PSTPIP2: variants seen among roughly 807,000 people sequenced by gnomAD.
The protein encoded by PSTPIP2 is proline-serine-threonine phosphatase interacting protein 2, also known as proline-serine-threonine phosphatase-interacting protein 2.
Under a neutral mutation model 63.3 loss-of-function variants are expected in PSTPIP2, and 33 were observed. That is an observed-to-expected ratio of 0.52 (90% CI 0.40 to 0.70). The LOEUF (loss-of-function observed/expected upper bound fraction) is 0.70. PSTPIP2 is among the 30% of genes least tolerant of loss of function. PSTPIP2 has a pLI of 0.00. For missense variants in PSTPIP2, 312 were observed against 400.7 expected, an observed-to-expected ratio of 0.78 and a Z score of 1.89; for synonymous variants, 125 against 132.7, an observed-to-expected ratio of 0.94 and a Z score of 0.40.
intron 2 of PSTPIP2, among the ~76,000 whole-genome samples, chr18:46,032,391 A>G (rs1487837705): frequency 1.3e-5 from 2 of 151,836 alleles, no homozygotes; most frequent in Non-Finnish European, 2.9e-5. Context: ...AAAAACCCCA[A>G]CTCCCTTTGA....
Position 45,993,943 on chromosome 18 carries a change from T to C in PSTPIP2, c.643-240A>G, listed in dbSNP as rs919926910. 242 of 472,130 alleles carry C rather than the reference T, an allele frequency of 5.1e-4. 5 individuals carry two copies. The highest frequency in any genetic ancestry group is 3.7e-3 in the South Asian group (177 of 47,252). The allele number at this position is 472,130 out of a possible 1,614,324, so 29.2% of individuals were successfully genotyped here. ...AAATAGTTCTGAGGGTAAAAAGTAA[T>C]GATGATCCCAGATACCAATGTTCTA... is the stretch of plus-strand genomic sequence containing the variant. On this transcript the variant is annotated intron_variant, in intron 9 of 14. Transcript: ENST00000409746.
At chr18:46,039,378 A>T (rs1377148209) in intron 2 of PSTPIP2, among the ~76,000 whole-genome samples, 3 of 151,960 alleles carry the variant, frequency 2.0e-5, no homozygotes, top group Non-Finnish European at 4.4e-5. Context: ...ACAGCTCCTC[A>T]TCCTCCTGGT....
intron 3 of PSTPIP2, among the ~76,000 whole-genome samples, chr18:46,018,574 GA>G (rs2051877673): frequency 6.6e-6 from 1 of 152,072 alleles, no homozygotes; most frequent in Non-Finnish European, 1.5e-5. Context: ...TTTCCATGTT[GA>G]CCAGGCTGGT....
At chr18:46,015,080 A>G (rs2051839421) in intron 4 of PSTPIP2, among the ~76,000 whole-genome samples, 1 of 152,160 alleles carries the variant, frequency 6.6e-6, no homozygotes, top group Admixed American at 6.5e-5. Context: ...AATGCACCAC[A>G]GTGCTGAATG....
At chr18:46,024,517 C>T in intron 3 of PSTPIP2, 92 bp downstream of exon 3, 1 of 1,155,700 alleles carries the variant, frequency 8.7e-7, no homozygotes, top group South Asian at 1.3e-5. Flanking sequence ...AGCCAGCATA[C>T]TTCAACCTCC....
At chr18:45,998,863 A>G (rs2051633786) in intron 7 of PSTPIP2, 24 bp from the exon 8 acceptor site, 1 of 1,613,748 alleles carries the variant, frequency 6.2e-7, no homozygotes, top group Non-Finnish European at 8.5e-7. Context: ...CAAACAAACA[A>G]AAAAAGAGCA....
intron 6 of PSTPIP2, among the ~76,000 whole-genome samples, chr18:46,002,365 A>C (rs566254696): frequency 1.3e-5 from 2 of 152,278 alleles, no homozygotes; most frequent in East Asian, 3.9e-4. Context: ...TCACAGAGAC[A>C]TTAGTGTTAG....
At chr18:46,012,115 G>A (rs369631455) in intron 4 of PSTPIP2, among the ~76,000 whole-genome samples, 11 of 151,976 alleles carry the variant, frequency 7.2e-5, no homozygotes, top group South Asian at 2.1e-4. Flanking sequence ...AAAAAGAGTG[G>A]CTAAATGGCC....
At chr18:46,067,536 G>GC (rs1289799852) in intron 1 of PSTPIP2, among the ~76,000 whole-genome samples, 2 of 150,026 alleles carry the variant, frequency 1.3e-5, no homozygotes, top group African/African-American at 4.9e-5. Context: ...GCCTAAAGCT[G>GC]CCTCCATAAA....
chr18:45,990,424 TTTTG>T (rs144038170), intron 13 of PSTPIP2, among the ~76,000 whole-genome samples: 36,362 of 151,368 alleles, frequency 0.24, 6,265 homozygotes, highest in African/African-American at 0.48. Flanking sequence ...TTTGGGGTTT[TTTTG>T]TTTGTTTGTT....
intron 3 of PSTPIP2, 92 bp from the exon 4 acceptor site, chr18:46,016,029 TCTTAA>T: frequency 6.9e-7 from 1 of 1,442,236 alleles, no homozygotes; most frequent in Admixed American, 2.0e-5. Context: ...TCTGCCCATA[TCTTAA>T]CTTAGAAACT....
intron 2 of PSTPIP2, chr18:46,029,161 T>C: frequency 1.1e-6 from 1 of 946,602 alleles, no homozygotes; most frequent in East Asian, 2.4e-5. Flanking sequence ...CACAGCAAGG[T>C]TTTTTATGTC....
chr18:46,058,744 C>A (rs1385940057), intron 1 of PSTPIP2, among the ~76,000 whole-genome samples: 1 of 152,148 alleles, frequency 6.6e-6, no homozygotes, highest in African/African-American at 2.4e-5. Context: ...TGCTTAAAGG[C>A]AGGGGTGCTG....
intron 9 of PSTPIP2, 102 bp downstream of exon 9, chr18:45,997,647 C>A (rs1359256078): frequency 1.1e-5 from 1 of 94,032 alleles, no homozygotes; most frequent in Non-Finnish European, 2.0e-5. Flanking sequence ...TTCCCTCCCT[C>A]CCCTCCCCCT....
intron 14 of PSTPIP2, 139 bp from the exon 15 acceptor site, chr18:45,985,589 T>C: frequency 1.4e-6 from 1 of 732,588 alleles, no homozygotes; most frequent in Non-Finnish European, 2.2e-6. Context: ...TTCCAAGCAA[T>C]GAGAAATGGA....
chr18:46,027,468 T>C (rs1907623048), intron 2 of PSTPIP2, among the ~76,000 whole-genome samples: 1 of 151,878 alleles, frequency 6.6e-6, no homozygotes, highest in African/African-American at 2.4e-5. Context: ...GGTGGGAGGA[T>C]CGATTGAGCC....
chr18:46,072,189 C>T lies in PSTPIP2; in HGVS notation c.-1G>A. On this transcript the variant is annotated 5_prime_UTR_variant, in exon 1 of 15. Coordinates refer to ENST00000409746, the MANE Select transcript of PSTPIP2 (RefSeq NM_024430.4). Reference sequence around the variant, plus strand: ...TTCCCTTGAACAGTGAGCGCGTCATCGCAGCGCGAGTGGGGGCGCGGAGGA... The same window carrying T: ...TTCCCTTGAACAGTGAGCGCGTCATTGCAGCGCGAGTGGGGGCGCGGAGGA... 1 of 1,535,834 alleles carries T rather than the reference C, an allele frequency of 6.5e-7. No homozygotes were observed. The highest frequency in any genetic ancestry group is 1.4e-5 in the African/African-American group (1 of 71,104).
At chr18:46,023,249 A>C (rs1907440364) in intron 3 of PSTPIP2, among the ~76,000 whole-genome samples, 1 of 152,152 alleles carries the variant, frequency 6.6e-6, no homozygotes, top group Non-Finnish European at 1.5e-5. Flanking sequence ...ACCTGCACAT[A>C]TACCCCTAAA....
At chr18:46,020,608 C>T (rs536942767) in intron 3 of PSTPIP2, among the ~76,000 whole-genome samples, 82 of 152,180 alleles carry the variant, frequency 5.4e-4, no homozygotes, top group Admixed American at 3.9e-3. Context: ...GCTGAGATCA[C>T]GCCACTGCAC....
Sources: allele counts gnomAD v4.1 joint callset (sites outside exome capture counted in the v4.1 genomes callset), GRCh38; gene constraint gnomAD v4.1.1; transcripts MANE v1.5; gene names NCBI Gene and HGNC (gene_info 2026-07-23, HGNC 2026-07-21).